BUD31: variants seen among roughly 807,000 people sequenced by gnomAD.
BUD31 encodes the protein BUD31 spliceosome associated protein.
In BUD31, 9 loss-of-function variants were observed where a neutral mutation model predicts 17.9. That is an observed-to-expected ratio of 0.50 (90% confidence interval 0.30 to 0.88). The LOEUF (loss-of-function observed/expected upper bound fraction) is 0.88. Ranked by LOEUF, BUD31 falls within the 40% of genes least tolerant of loss-of-function variation. The pLI, the probability that BUD31 is intolerant of heterozygous loss-of-function variation, is 0.06. For synonymous variants in BUD31, 70 were observed against 64.7 expected (o/e 1.08, Z -0.39); for missense variants, 148 against 184.5 (o/e 0.80, Z 1.15).
intron 1 of BUD31, among the ~76,000 whole-genome samples, chr7:99,409,816 C>G (rs565964448): frequency 6.6e-6 from 1 of 150,566 alleles, no homozygotes; most frequent in Non-Finnish European, 1.5e-5. Flanking sequence ...AAGGGAGTGA[C>G]TGAATGAATT....
chr7:99,411,200 T>C lies in BUD31; in HGVS notation c.94+14T>C. 2 of 1,597,382 alleles carry C rather than the reference T, an allele frequency of 1.3e-6. No homozygotes were observed. Among genetic ancestry groups the C allele is most frequent in the Non-Finnish European group, 1.7e-6 (2 of 1,165,240 alleles). On this transcript the variant is annotated intron_variant, in intron 3 of 5. Coordinates refer to ENST00000222969, the MANE Select transcript of BUD31 (RefSeq NM_003910.4). ...AGATGAGAGAAGGTGAGTAGGGGAG[T>C]TCCTGTCTGGGTGGGCTGGGTCCAA...
intron 5 of BUD31, 81 bp from the exon 6 acceptor site, chr7:99,419,310 G>A (rs893906001): frequency 1.2e-5 from 19 of 1,533,824 alleles, no homozygotes; most frequent in East Asian, 2.2e-5. Flanking sequence ...CAGGTCCTTC[G>A]TGGGAGGGTT....
chr7:99,409,430 C>T (rs540121634), intron 1 of BUD31, among the ~76,000 whole-genome samples, 185 bp downstream of exon 1: 1 of 152,136 alleles, frequency 6.6e-6, no homozygotes, highest in Non-Finnish European at 1.5e-5. Flanking sequence ...CCTCCTACGT[C>T]CTCTTTCTCC....
rs560727992 is a variant in BUD31, at chr7:99,412,569, C to T, written c.94+1383C>T. Among the ~76,000 whole-genome samples, 34 of 152,238 alleles carry T rather than the reference C, an allele frequency of 2.2e-4. No homozygotes were observed. The East Asian group carries it at 6.0e-3, about 27-fold the overall frequency. On this transcript the variant is annotated intron_variant, in intron 3 of 5. Coordinates refer to ENST00000222969, the MANE Select transcript of BUD31 (RefSeq NM_003910.4). ...TCAGTCTCCCAGGCAGCTGGGACTA[C>T]AGGCATCCACTGCCACGCTTGGCTA...
chr7:99,412,924 G>A (rs1191187214), intron 3 of BUD31, among the ~76,000 whole-genome samples: 3 of 151,908 alleles, frequency 2.0e-5, no homozygotes, highest in African/African-American at 7.3e-5. Context: ...CCCGACCAAC[G>A]CTTGGCTAAT....
chr7:99,412,846 C>T lies in BUD31; in HGVS notation c.94+1660C>T, dbSNP rs144736676. 9.4e-4 allele frequency among the ~76,000 whole-genome samples: 142 copies of T among 150,620 alleles called. 1 individual carries two copies. Among genetic ancestry groups the T allele is most frequent in the African/African-American group, 3.4e-3 (138 of 40,818 alleles). ...CCATGTTAGCCAGGATGGTCTCGAT[C>T]GCCTGACCTTGTGATCCACCCGCCT... is the stretch of plus-strand genomic sequence containing the variant. On this transcript the variant is annotated intron_variant, in intron 3 of 5. Transcript: ENST00000222969.
intron 2 of BUD31, among the ~76,000 whole-genome samples, chr7:99,410,385 AT>A (rs1236849216): frequency 6.7e-6 from 1 of 148,988 alleles, no homozygotes; most frequent in Non-Finnish European, 1.5e-5. Flanking sequence ...TGCTCAGTTA[AT>A]TTTTTTGATT....
intron 3 of BUD31, among the ~76,000 whole-genome samples, chr7:99,412,577 C>T (rs1278807678): frequency 2.0e-5 from 3 of 152,034 alleles, no homozygotes; most frequent in African/African-American, 7.2e-5. Context: ...TACAGGCATC[C>T]ACTGCCACGC....
chr7:99,411,212 T>A (rs745856787), intron 3 of BUD31, 26 bp downstream of exon 3: 1 of 1,595,732 alleles, frequency 6.3e-7, no homozygotes, highest in African/African-American at 1.3e-5. Flanking sequence ...CCTGTCTGGG[T>A]GGGCTGGGTC....
At position 99,419,384 on chromosome 7, in the gene BUD31, G is replaced by A. The variant is rs769597341; in HGVS notation, c.385-7G>A. 1.2e-5 allele frequency: 19 copies of A among 1,612,902 alleles called. No homozygotes were observed. Among genetic ancestry groups the A allele is most frequent in the Admixed American group, 5.0e-5 (3 of 59,990 alleles). On this transcript the variant is annotated splice_polypyrimidine_tract_variant and splice_region_variant and intron_variant, in intron 5 of 5. Transcript: ENST00000222969. ...TGGCATCGTCTCACTGTCCTCCTCC[G>A]TTGCAGGGCCGCATCATCGAGTGCA...
chr7:99,419,281 T>G, intron 5 of BUD31, 110 bp from the exon 6 acceptor site: 1 of 1,339,310 alleles, frequency 7.5e-7, no homozygotes, highest in Non-Finnish European at 1.1e-6. Flanking sequence ...CTGAGGTGTG[T>G]CCCTATATGG....
At chr7:99,411,286 G>A in intron 3 of BUD31, 100 bp downstream of exon 3, 1 of 848,918 alleles carries the variant, frequency 1.2e-6, no homozygotes, top group South Asian at 1.6e-5. Flanking sequence ...AAAGAGAGTG[G>A]TCTACTAACA....
At chr7:99,418,337 C>G (rs912068518) in intron 5 of BUD31, 2 of 156,456 alleles carry the variant, frequency 1.3e-5, no homozygotes, top group Non-Finnish European at 2.8e-5. Context: ...AGGAGTGGTG[C>G]TGAGGGACAG....
chr7:99,415,950 ATTTAT>A (rs914989675), intron 3 of BUD31, among the ~76,000 whole-genome samples, 183 bp from the exon 4 acceptor site: 9 of 150,024 alleles, frequency 6.0e-5, no homozygotes, highest in Admixed American at 4.0e-4. Flanking sequence ...TTCTTATTTT[ATTTAT>A]TTTATTATAC....
intron 5 of BUD31, 102 bp from the exon 6 acceptor site, chr7:99,419,289 T>C: frequency 1.4e-6 from 2 of 1,403,150 alleles, no homozygotes; most frequent in East Asian, 2.3e-5. Context: ...TGTCCCTATA[T>C]GGCATGGTGG....
chr7:99,416,025 C>G (rs921023017), intron 3 of BUD31, 113 bp from the exon 4 acceptor site: 1 of 1,438,774 alleles, frequency 7.0e-7, no homozygotes. Context: ...CCACCCACAG[C>G]CATCCTAGTG....
intron 4 of BUD31, 189 bp downstream of exon 4, chr7:99,416,449 T>C (rs1362165061): frequency 1.6e-6 from 1 of 626,494 alleles, no homozygotes; most frequent in African/African-American, 1.9e-5. Flanking sequence ...AGATGGAGTC[T>C]CACTCTGTCA....
intron 3 of BUD31, among the ~76,000 whole-genome samples, chr7:99,412,234 C>T (rs1035678990): frequency 1.3e-5 from 2 of 152,130 alleles, no homozygotes; most frequent in Non-Finnish European, 2.9e-5. Context: ...TCATTTTGGG[C>T]TGAGAGATGT....
intron 3 of BUD31, chr7:99,411,791 G>A (rs1201075207): frequency 2.3e-6 from 1 of 443,624 alleles, no homozygotes; most frequent in Non-Finnish European, 4.5e-6. Flanking sequence ...TGCAACCTCT[G>A]CCTCCCGTGT....
Sources: gnomAD v4.1 joint callset for allele counts (sites outside exome capture counted in the v4.1 genomes callset) on GRCh38, gnomAD v4.1.1 for gene constraint, MANE v1.5 for transcripts, NCBI Gene and HGNC (gene_info 2026-07-23, HGNC 2026-07-21) for gene names.